Variants in POU2F1 observed in about 807,000 individuals in gnomAD.
The protein encoded by POU2F1 is POU domain, class 2, transcription factor 1.
Under a neutral mutation model 84.9 loss-of-function variants are expected in POU2F1, and 16 were observed. That is an observed-to-expected ratio of 0.19 (90% CI 0.13 to 0.29). The LOEUF (loss-of-function observed/expected upper bound fraction) is 0.29, where lower values mean the gene tolerates loss of function less well. Ranked by LOEUF, POU2F1 falls within the 10% of genes least tolerant of loss-of-function variation. The pLI is 1.00. For missense variants in POU2F1, 738 were observed against 942.6 expected (o/e 0.78, Z 2.84); for synonymous variants, 368 against 368.3 (o/e 1.00, Z 0.01).
chr1:167,235,209 C>T (rs983995121), intron 1 of POU2F1, among the ~76,000 whole-genome samples: 1 of 152,186 alleles, frequency 6.6e-6, no homozygotes, highest in East Asian at 1.9e-4. Context: ...CACTACATTG[C>T]TAAGTCCCCC....
intron 1 of POU2F1, among the ~76,000 whole-genome samples, chr1:167,229,116 G>C (rs114321732): frequency 2.0e-5 from 3 of 151,878 alleles, no homozygotes; most frequent in Non-Finnish European, 4.4e-5. Context: ...CTTTGTGTTG[G>C]TGTAAGAGTT....
At chr1:167,266,847 C>A (rs1406583471) in intron 1 of POU2F1, among the ~76,000 whole-genome samples, 7 of 152,042 alleles carry the variant, frequency 4.6e-5, no homozygotes, top group African/African-American at 1.4e-4. Flanking sequence ...TGGTCTTGAT[C>A]TCCTGACCTC....
At position 167,396,437 on chromosome 1, in the gene POU2F1, T is replaced by C; in HGVS notation, c.1129+10T>C. On this transcript the variant is annotated intron_variant, in intron 10 of 15. Transcript: ENST00000367866. ...TGGCTAAATGATGCAGGTAAGTGAC[T>C]GTATAAGACATTTCTTTGTCATTCA... 5 of 1,609,498 alleles carry C rather than the reference T, an allele frequency of 3.1e-6. No individual in the cohort carries two copies. The highest frequency in any genetic ancestry group is 4.2e-6 in the Non-Finnish European group (5 of 1,177,054).
chr1:167,304,166 G>A (rs1217809329), intron 1 of POU2F1, among the ~76,000 whole-genome samples: 2 of 152,066 alleles, frequency 1.3e-5, no homozygotes, highest in South Asian at 2.1e-4. Flanking sequence ...ATAAATGTAC[G>A]TGTCTAAGAG....
At chr1:167,247,114 C>T (rs965056198) in intron 1 of POU2F1, among the ~76,000 whole-genome samples, 2 of 151,198 alleles carry the variant, frequency 1.3e-5, no homozygotes, top group African/African-American at 2.4e-5. Flanking sequence ...CTCACTCTGT[C>T]GCCCAGGATG....
At chr1:167,381,363 G>A (rs1647531583) in intron 7 of POU2F1, among the ~76,000 whole-genome samples, 1 of 151,550 alleles carries the variant, frequency 6.6e-6, no homozygotes. Flanking sequence ...GATTACAGGC[G>A]TGAGCCATGG....
chr1:167,379,484 A>C (rs990281983), intron 7 of POU2F1: 1 of 152,366 alleles, frequency 6.6e-6, no homozygotes, highest in East Asian at 1.9e-4. Context: ...TTAGGAAACT[A>C]CGAGGGTTGA....
intron 13 of POU2F1, among the ~76,000 whole-genome samples, chr1:167,408,590 G>A (rs141322015): frequency 1.0e-3 from 153 of 152,278 alleles, no homozygotes; most frequent in African/African-American, 3.5e-3. Flanking sequence ...AGAATGTTAA[G>A]TAAAAGAAGC....
chr1:167,389,442 C>A, intron 8 of POU2F1, 146 bp from the exon 9 acceptor site: 1 of 762,668 alleles, frequency 1.3e-6, no homozygotes, highest in East Asian at 2.7e-5. Flanking sequence ...GCTTTGCTCA[C>A]TGAACATTAT....
intron 2 of POU2F1, among the ~76,000 whole-genome samples, chr1:167,335,570 A>G (rs1657391843): frequency 6.6e-6 from 1 of 152,192 alleles, no homozygotes; most frequent in African/African-American, 2.4e-5. Flanking sequence ...CAGAGAATTG[A>G]AATGGAAGGG....
chr1:167,364,682 A>T (rs1659567727), intron 2 of POU2F1, among the ~76,000 whole-genome samples: 1 of 146,652 alleles, frequency 6.8e-6, no homozygotes, highest in Admixed American at 6.8e-5. Flanking sequence ...GGCTCAAGCC[A>T]TTCTCCCTCA....
At position 167,418,370 on chromosome 1, in the gene POU2F1, T is replaced by G. The variant is rs1650439447; in HGVS notation, c.*2560T>G. The G allele has an allele frequency of 6.6e-6, 1 of 152,216 alleles. No individual in the cohort carries two copies. Among genetic ancestry groups the G allele is most frequent in the Admixed American group, 6.5e-5 (1 of 15,286 alleles). 9.4% of individuals were successfully genotyped at this position (152,216 alleles called of 1,614,324 possible). ...TCCTCTCCATTCACTTTTTCTCTGT[T>G]GTAGTTAAATTTAATCTTCTATCCT... On this transcript the variant is annotated 3_prime_UTR_variant, in exon 16 of 16. Coordinates refer to ENST00000367866, the MANE Select transcript of POU2F1 (RefSeq NM_002697.4).
chr1:167,409,759 CTATTT>C (rs1649826064), intron 13 of POU2F1, among the ~76,000 whole-genome samples: 1 of 152,112 alleles, frequency 6.6e-6, no homozygotes, highest in Non-Finnish European at 1.5e-5. Flanking sequence ...AAAGAAATAA[CTATTT>C]TAAGCCTTTT....
At chr1:167,247,097 A>G (rs1030198608) in intron 1 of POU2F1, among the ~76,000 whole-genome samples, 2 of 151,662 alleles carry the variant, frequency 1.3e-5, no homozygotes, top group Admixed American at 1.3e-4. Flanking sequence ...CCTTAAAGAA[A>G]CAGGGTCTCA....
At chr1:167,299,864 C>A (rs561638189) in intron 1 of POU2F1, among the ~76,000 whole-genome samples, 17 of 152,110 alleles carry the variant, frequency 1.1e-4, no homozygotes, top group Non-Finnish European at 1.9e-4. Context: ...TGGGCCCCCA[C>A]CTCCAGAGGT....
chr1:167,234,895 T>G (rs562972368), intron 1 of POU2F1, among the ~76,000 whole-genome samples: 1 of 152,366 alleles, frequency 6.6e-6, no homozygotes, highest in Non-Finnish European at 1.5e-5. Flanking sequence ...TAATTTAAAC[T>G]ATTTCAGTGT....
intron 1 of POU2F1, among the ~76,000 whole-genome samples, chr1:167,266,770 C>A (rs78344596): frequency 6.6e-6 from 1 of 151,816 alleles, no homozygotes; most frequent in Non-Finnish European, 1.5e-5. Context: ...ATTACAGGCA[C>A]GTGCCACCAC....
chr1:167,233,514 C>G (rs1471805249), intron 1 of POU2F1, among the ~76,000 whole-genome samples: 1 of 152,114 alleles, frequency 6.6e-6, no homozygotes, highest in Non-Finnish European at 1.5e-5. Context: ...ACATGCTGTA[C>G]AGGTTTGTAG....
At chr1:167,351,062 A>G (rs948624998) in intron 2 of POU2F1, among the ~76,000 whole-genome samples, 1 of 152,002 alleles carries the variant, frequency 6.6e-6, no homozygotes, top group African/African-American at 2.4e-5. Context: ...TTTTGAAACT[A>G]TTAATGTTGG....
Sources: gnomAD v4.1 joint callset for allele counts (sites outside exome capture counted in the v4.1 genomes callset) on GRCh38, gnomAD v4.1.1 for gene constraint, MANE v1.5 for transcripts, NCBI Gene and HGNC (gene_info 2026-07-23, HGNC 2026-07-21) for gene names.